Variants in GSE1 observed in about 807,000 individuals in gnomAD.
The protein encoded by GSE1 is Gse1 coiled-coil protein.
A neutral mutation model predicts 112.6 loss-of-function variants in GSE1; 32 were observed. That is an observed-to-expected ratio of 0.28 (90% CI 0.21 to 0.38). GSE1 has a LOEUF of 0.38. Ranked by LOEUF, GSE1 falls within the 10% of genes least tolerant of loss-of-function variation. GSE1 has a pLI of 1.00. For synonymous variants in GSE1, 1,115 were observed against 735.6 expected (o/e 1.52, Z -8.35); for missense variants, 2,348 against 1,699.2 (o/e 1.38, Z -6.71).
intron 2 of GSE1, among the ~76,000 whole-genome samples, chr16:85,495,859 GC>G (rs1306774247): frequency 1.3e-5 from 2 of 152,140 alleles, no homozygotes; most frequent in African/African-American, 4.8e-5. Context: ...CCTCCAGGAG[GC>G]TGGAGGTGGG....
rs773889762 is a variant in GSE1, at chr16:85,674,624, T to G, written c.*2085T>G. ...TCCATCACAGATGTCTGGATGCTTTTGGAAATGGCCTTGGCTAAAGTAAAA... is the reference window on the plus strand; with the variant it reads ...TCCATCACAGATGTCTGGATGCTTTGGGAAATGGCCTTGGCTAAAGTAAAA... On this transcript the variant is annotated 3_prime_UTR_variant, in exon 16 of 16. Coordinates refer to ENST00000253458, the MANE Select transcript of GSE1 (RefSeq NM_014615.5). 20 of 152,392 alleles carry G rather than the reference T, an allele frequency of 1.3e-4. No individual in the cohort carries two copies. The highest frequency in any genetic ancestry group is 3.9e-4 in the Admixed American group (6 of 15,312). 9.4% of individuals were successfully genotyped at this position (152,392 alleles called of 1,614,324 possible).
intron 1 of GSE1, among the ~76,000 whole-genome samples, chr16:85,206,164 C>T (rs1266594681): frequency 5.0e-5 from 6 of 120,342 alleles, no homozygotes; most frequent in East Asian, 2.3e-4. Context: ...GAACCGGGCA[C>T]GGGAAGGGGG....
intron 2 of GSE1, among the ~76,000 whole-genome samples, chr16:85,466,132 G>C (rs1385309646): frequency 6.6e-6 from 1 of 152,210 alleles, no homozygotes; most frequent in Non-Finnish European, 1.5e-5. Context: ...CGGGCACTTT[G>C]AGTGGAACAC....
chr16:85,178,371 C>T (rs1428288497), intron 1 of GSE1, among the ~76,000 whole-genome samples: 9 of 151,908 alleles, frequency 5.9e-5, no homozygotes, highest in East Asian at 3.9e-4. Context: ...GAAGAGGGGA[C>T]GGGCACGAGG....
chr16:85,476,403 G>T (rs1396705494), intron 2 of GSE1, among the ~76,000 whole-genome samples: 2 of 152,172 alleles, frequency 1.3e-5, no homozygotes, highest in Non-Finnish European at 2.9e-5. Flanking sequence ...CCCCATACAC[G>T]TGCATATGAC....
intron 2 of GSE1, among the ~76,000 whole-genome samples, chr16:85,548,171 G>A (rs2044767716): frequency 6.8e-6 from 1 of 147,700 alleles, no homozygotes; most frequent in Admixed American, 6.9e-5. Context: ...AGAGGTTGCA[G>A]TGAGCCAAGA....
Position 85,403,942 on chromosome 16 carries a change from C to G in GSE1, c.2464+46299C>G, listed in dbSNP as rs948915231. Among the ~76,000 whole-genome samples the G allele has an allele frequency of 1.6e-4, 24 of 152,318 alleles. No individual in the cohort carries two copies. The East Asian group carries it at 4.6e-3, about 29-fold the overall frequency. On this transcript the variant is annotated intron_variant, in intron 2 of 2. Coordinates refer to the GSE1 transcript ENST00000637419. The stretch of plus-strand genomic sequence containing the variant: ...TACTGCCTCTCCCAGCCTCTGGGGA[C>G]TCTGGCTTCCAGGGCTTGTGGCCGC...
Position 85,237,280 on chromosome 16 carries a change from G to A in GSE1, c.2283+65473G>A, listed in dbSNP as rs148648921. Among the ~76,000 whole-genome samples the A allele has an allele frequency of 2.2e-3, 332 of 152,176 alleles. 4 individuals carry two copies. Among genetic ancestry groups the A allele is most frequent in the African/African-American group, 7.7e-3 (320 of 41,528 alleles). ...GGAGGTTGCAGTTTGCTGAGATCGC[G>A]CCACTGCACTCCAGCCTGGGCGACA... is the stretch of plus-strand genomic sequence containing the variant. On this transcript the variant is annotated intron_variant, in intron 1 of 2. Coordinates refer to the GSE1 transcript ENST00000637419.
chr16:85,620,759 C>A (rs2048680560), intron 1 of GSE1, among the ~76,000 whole-genome samples: 1 of 151,976 alleles, frequency 6.6e-6, no homozygotes, highest in African/African-American at 2.4e-5. Flanking sequence ...CTGTTCTCAG[C>A]CCTGGGTCTC....
intron 1 of GSE1, among the ~76,000 whole-genome samples, chr16:85,578,933 A>T (rs1047583969): frequency 6.6e-6 from 1 of 151,252 alleles, no homozygotes; most frequent in Non-Finnish European, 1.5e-5. Flanking sequence ...TCCCCCCAGC[A>T]CAGCGATCTG....
intron 2 of GSE1, among the ~76,000 whole-genome samples, chr16:85,426,783 A>G (rs1253115581): frequency 2.0e-5 from 3 of 152,170 alleles, no homozygotes; most frequent in Non-Finnish European, 4.4e-5. Context: ...CTCTTAAGCT[A>G]TGTTATTTCC....
At chr16:85,580,871 C>T (rs145910432) in intron 1 of GSE1, among the ~76,000 whole-genome samples, 1 of 152,388 alleles carries the variant, frequency 6.6e-6, no homozygotes, top group Non-Finnish European at 1.5e-5. Context: ...CCACGGAAAT[C>T]AACCCTGCCA....
chr16:85,310,259 G>T (rs1344554225), intron 1 of GSE1, among the ~76,000 whole-genome samples: 1 of 152,200 alleles, frequency 6.6e-6, no homozygotes, highest in African/African-American at 2.4e-5. Context: ...AACTGCTGTG[G>T]GCCTCACTTT....
chr16:85,353,554 C>T (rs2046893064), intron 1 of GSE1, among the ~76,000 whole-genome samples: 1 of 152,198 alleles, frequency 6.6e-6, no homozygotes, highest in South Asian at 2.1e-4. Flanking sequence ...ATTCCCAAAG[C>T]CAGAAGCGAT....
chr16:85,604,840 T>C (rs1291115771), intron 1 of GSE1, among the ~76,000 whole-genome samples: 6 of 14,912 alleles, frequency 4.0e-4, no homozygotes, highest in South Asian at 4.3e-3. Context: ...TTTTTTGAGA[T>C]GGAGTCTCGC....
chr16:85,540,335 C>T (rs1181021986), intron 2 of GSE1, among the ~76,000 whole-genome samples: 2 of 152,188 alleles, frequency 1.3e-5, no homozygotes, highest in African/African-American at 4.8e-5. Context: ...CCTGTCCTTT[C>T]ACACAGGGGC....
At chr16:85,472,199 C>A (rs977524909) in intron 2 of GSE1, among the ~76,000 whole-genome samples, 1 of 152,158 alleles carries the variant, frequency 6.6e-6, no homozygotes, top group South Asian at 2.1e-4. Context: ...CCTGGGGCTG[C>A]CATGATAAAT....
chr16:85,321,778 G>C (rs1408368243), intron 1 of GSE1, among the ~76,000 whole-genome samples: 1 of 151,022 alleles, frequency 6.6e-6, no homozygotes, highest in African/African-American at 2.4e-5. Context: ...GGGTGACAGA[G>C]TGAGAGCCTG....
chr16:85,653,194 T>TCCGCCCCCCTCCTCCTCCCCCC, intron 3 of GSE1, among the ~76,000 whole-genome samples: 1 of 70 alleles, frequency 0.014, no homozygotes, highest in Admixed American at 0.1. Flanking sequence ...TCCGCCCCCC[T>TCCGCCCCCCTCCTCCTCCCCCC]CCTCCCCCCT....
Sources: allele counts gnomAD v4.1 joint callset (sites outside exome capture counted in the v4.1 genomes callset), GRCh38; gene constraint gnomAD v4.1.1; transcripts MANE v1.5; gene names NCBI Gene and HGNC (gene_info 2026-07-23, HGNC 2026-07-21).